GRB10: variants seen among roughly 807,000 people sequenced by gnomAD.
GRB10 encodes growth factor receptor-bound protein 10.
A neutral mutation model predicts 80.9 loss-of-function variants in GRB10; 20 were observed. The observed-to-expected ratio is 0.25, with a 90% CI of 0.17 to 0.36. The LOEUF (loss-of-function observed/expected upper bound fraction) is 0.36, where lower values mean the gene tolerates loss of function less well. GRB10 is among the 10% of genes least tolerant of loss of function. The probability of loss-of-function intolerance (pLI) is 1.00; values close to 1 mark genes in which losing one functional copy is unlikely to be tolerated. For synonymous variants in GRB10, 291 were observed against 291.5 expected (o/e 1.00, Z 0.02); for missense variants, 548 against 747.7 (o/e 0.73, Z 3.12).
intron 7 of GRB10, among the ~76,000 whole-genome samples, chr7:50,666,630 C>T (rs531499165): frequency 2.6e-5 from 4 of 152,302 alleles, no homozygotes; most frequent in Admixed American, 2.6e-4. Context: ...GCTCAGCATG[C>T]TGTGAGGAGC....
chr7:50,626,852 G>C lies in GRB10; in HGVS notation c.631C>G (p.Leu211Val). 1.2e-6 allele frequency: 2 copies of C among 1,614,134 alleles called. No individual in the cohort carries two copies. Among genetic ancestry groups the C allele is most frequent in the African/African-American group, 1.3e-5 (1 of 75,014 alleles). The change falls in exon 8 of 19, where the codon CTA (leucine) becomes GTA (valine). Residue 211 changes from leucine to valine, a missense_variant. Leu to Val is a conservative substitution (Grantham distance 32). This residue lies in a region of GRB10 where 270 missense variants were observed against 433.6 expected (regional missense o/e 0.62). Coordinates refer to ENST00000401949, the MANE Select transcript of GRB10 (RefSeq NM_001350814.2). ...SHCVDDNSWTLVEHHPHLGLE... is the reference protein window; with the variant it reads ...SHCVDDNSWTVVEHHPHLGLE... ...CCTAGGTGCGGGTGGTGCTCCACTA[G>C]TGTCCAGCTGTTGTCATCCACACAG...
intron 4 of GRB10, among the ~76,000 whole-genome samples, chr7:50,719,333 C>A (rs573966278): frequency 6.6e-6 from 1 of 152,268 alleles, no homozygotes; most frequent in Non-Finnish European, 1.5e-5. Context: ...TCACTGCAGG[C>A]AGAGACAGAA....
intron 4 of GRB10, among the ~76,000 whole-genome samples, 195 bp from the exon 5 acceptor site, chr7:50,704,103 G>A (rs1029906165): frequency 2.6e-5 from 4 of 152,220 alleles, no homozygotes; most frequent in African/African-American, 9.7e-5. Context: ...AAAGGTGCAA[G>A]CTGTTTGGCA....
intron 5 of GRB10, among the ~76,000 whole-genome samples, chr7:50,682,320 T>A (rs888404575): frequency 6.6e-6 from 1 of 152,220 alleles, no homozygotes; most frequent in African/African-American, 2.4e-5. Context: ...TTTGGGTAGA[T>A]TGCTAGGCTC....
chr7:50,657,351 C>T (rs1307834795), intron 7 of GRB10, among the ~76,000 whole-genome samples: 1 of 152,140 alleles, frequency 6.6e-6, no homozygotes, highest in Admixed American at 6.5e-5. Flanking sequence ...AGCAATGTTG[C>T]TTCCCACTTC....
In GRB10 at chr7:50,703,868, GC is replaced by G. The variant is rs2064615156; in HGVS notation, c.91del (p.Ala31GlnfsTer26). 2 of 1,613,310 alleles carry G rather than the reference GC, an allele frequency of 1.2e-6. No individual in the cohort carries two copies. Among genetic ancestry groups the G allele is most frequent in the East Asian group, 4.5e-5 (2 of 44,858 alleles). On this transcript the variant is annotated frameshift_variant, in exon 5 of 19. Coordinates refer to ENST00000401949, the MANE Select transcript of GRB10 (RefSeq NM_001350814.2). LOFTEE classifies it high-confidence loss of function. ...AGACTGTGCGGGGAGTCCTGGTCCT[GC>G]CGGGTCTTGTTGACTGCGAGGTGTC... The part of the protein sequence containing the change: ...EQTPRSQQDP[A>X]GPGLPAQSDR...
chr7:50,690,676 G>A (rs1426501498), intron 5 of GRB10, among the ~76,000 whole-genome samples: 2 of 95,638 alleles, frequency 2.1e-5, no homozygotes. Context: ...ATGAATGAAC[G>A]AATGAACGAA....
Position 50,712,801 on chromosome 7 carries a change from AT to A in GRB10, c.52-8894del, listed in dbSNP as rs564076386. ...TATTCACAAGGGGAGGAGTCTATCA[AT>A]CATTTACATTTTAAACAGCTCTATT... On this transcript the variant is annotated intron_variant, in intron 4 of 18. Transcript: ENST00000401949. Among the ~76,000 whole-genome samples the A allele has an allele frequency of 1.3e-3, 204 of 152,388 alleles. 8 individuals are homozygous for A. The South Asian group carries it at 0.042, about 31-fold the overall frequency.
At chr7:50,692,941 C>G (rs1469663339) in intron 5 of GRB10, among the ~76,000 whole-genome samples, 1 of 152,190 alleles carries the variant, frequency 6.6e-6, no homozygotes. Context: ...TATCAAACCT[C>G]TCAGCCTCAG....
In GRB10 at chr7:50,706,666, G is replaced by A. The variant is rs150831228; in HGVS notation, c.52-2758C>T. Among the ~76,000 whole-genome samples the A allele has an allele frequency of 7.4e-4, 113 of 152,286 alleles. 1 individual carries two copies. The highest frequency in any genetic ancestry group is 2.1e-3 in the African/African-American group (89 of 41,556). On this transcript the variant is annotated intron_variant, in intron 4 of 18. Transcript: ENST00000401949. Reference sequence around the variant, plus strand: ...CTGAGGTTGAACATTTTTCATAAGCGAATTAGACCTTTATATTTCTTCTTT... The same window carrying A: ...CTGAGGTTGAACATTTTTCATAAGCAAATTAGACCTTTATATTTCTTCTTT...
Position 50,592,887 on chromosome 7 carries a change from G to A in GRB10, c.*65C>T, listed in dbSNP as rs1412984475. The A allele has an allele frequency of 1.0e-5, 16 of 1,559,794 alleles. No homozygotes were observed. Among genetic ancestry groups the A allele is most frequent in the East Asian group, 9.0e-5 (4 of 44,634 alleles). ...GAATCGATGTGTGTTCTTCACCAAC[G>A]CACAGACCGCTTCTTCACTCCAGTG... On this transcript the variant is annotated 3_prime_UTR_variant, in exon 19 of 19. Coordinates refer to ENST00000401949, the MANE Select transcript of GRB10 (RefSeq NM_001350814.2).
intron 3 of GRB10, among the ~76,000 whole-genome samples, chr7:50,749,121 T>TGTTTTTTC (rs2073627894): frequency 5.2e-5 from 4 of 76,406 alleles, no homozygotes; most frequent in Admixed American, 5.0e-4. Flanking sequence ...TGTTTTGTTT[T>TGTTTTTTC]GTTTTTTTGT....
intron 7 of GRB10, among the ~76,000 whole-genome samples, chr7:50,646,177 G>T (rs1287555458): frequency 6.6e-6 from 1 of 152,178 alleles, no homozygotes; most frequent in Non-Finnish European, 1.5e-5. Flanking sequence ...CCATTAAATG[G>T]TATATAAACA....
intron 1 of GRB10, chr7:50,792,488 G>T (rs2078969258): frequency 2.5e-6 from 1 of 398,452 alleles, no homozygotes. Context: ...TCAGGCAGGC[G>T]TTTGGAGAGG....
chr7:50,626,507 G>C (rs2153590952), intron 8 of GRB10, among the ~76,000 whole-genome samples: 1 of 152,330 alleles, frequency 6.6e-6, no homozygotes, highest in South Asian at 2.1e-4. Flanking sequence ...CCGCCCACAG[G>C]TGTGCAGCAA....
chr7:50,767,761 G>A (rs1265196940), intron 2 of GRB10, among the ~76,000 whole-genome samples: 1 of 152,152 alleles, frequency 6.6e-6, no homozygotes, highest in African/African-American at 2.4e-5. Flanking sequence ...CACTAGGCCC[G>A]CCATGTTGGG....
At chr7:50,634,563 G>A (rs987175455) in intron 7 of GRB10, among the ~76,000 whole-genome samples, 1 of 152,082 alleles carries the variant, frequency 6.6e-6, no homozygotes. Flanking sequence ...AACATAAATG[G>A]CCTAAATGTT....
At chr7:50,604,654 T>C (rs2048212604) in intron 15 of GRB10, among the ~76,000 whole-genome samples, 1 of 152,220 alleles carries the variant, frequency 6.6e-6, no homozygotes, top group South Asian at 2.1e-4. Flanking sequence ...ATGAACATCC[T>C]GGTAAATCGC....
chr7:50,736,330 C>T (rs1018700464), intron 3 of GRB10, among the ~76,000 whole-genome samples: 1 of 152,158 alleles, frequency 6.6e-6, no homozygotes, highest in Non-Finnish European at 1.5e-5. Context: ...AAAAAACTTA[C>T]TACCAGGCTA....
Sources: gnomAD v4.1 joint callset for allele counts (sites outside exome capture counted in the v4.1 genomes callset) on GRCh38, gnomAD v4.1.1 for gene constraint, gnomAD v4.1.1 regional missense constraint, MANE v1.5 for transcripts, NCBI Gene and HGNC (gene_info 2026-07-23, HGNC 2026-07-21) for gene names.